ASIC2: variants seen among roughly 807,000 people sequenced by gnomAD.
ASIC2 encodes acid-sensing ion channel 2.
ASIC2 carries 25 observed loss-of-function variants against 57.3 expected under a neutral mutation model. The ratio of observed to expected loss-of-function variants is 0.44; its 90% CI spans 0.32 to 0.61. The LOEUF (loss-of-function observed/expected upper bound fraction) is 0.61. Among genes scored for constraint, ASIC2 ranks in the 20% least tolerant of loss-of-function variants. ASIC2 has a pLI of 0.06. For synonymous variants in ASIC2, 319 were observed against 307.5 expected (o/e 1.04, Z -0.39); for missense variants, 641 against 738.1 (o/e 0.87, Z 1.52).
At chr17:33,763,210 A>T (rs1338818017) in intron 1 of ASIC2, among the ~76,000 whole-genome samples, 1 of 152,162 alleles carries the variant, frequency 6.6e-6, no homozygotes, top group Non-Finnish European at 1.5e-5. Context: ...TGTCTTGTTG[A>T]TTGATCTCTC....
intron 1 of ASIC2, among the ~76,000 whole-genome samples, chr17:33,943,569 G>T (rs943858338): frequency 1.3e-5 from 2 of 151,848 alleles, no homozygotes; most frequent in African/African-American, 4.8e-5. Context: ...TAACAGACTT[G>T]GATTCAAATT....
At chr17:33,516,192 C>T (rs1022703906) in intron 1 of ASIC2, among the ~76,000 whole-genome samples, 3 of 152,162 alleles carry the variant, frequency 2.0e-5, no homozygotes, top group African/African-American at 7.2e-5. Flanking sequence ...GGGTGGAGCC[C>T]AGAACTGCAG....
At chr17:33,364,737 T>C (rs1567836759) in intron 1 of ASIC2, among the ~76,000 whole-genome samples, 1 of 152,182 alleles carries the variant, frequency 6.6e-6, no homozygotes, top group Admixed American at 6.5e-5. Context: ...TCTTTATAAA[T>C]TACCCAGTCT....
chr17:33,603,978 A>G (rs1274265408), intron 1 of ASIC2, among the ~76,000 whole-genome samples: 2 of 152,188 alleles, frequency 1.3e-5, no homozygotes, highest in African/African-American at 4.8e-5. Flanking sequence ...CTGGTCTGAA[A>G]GTGGGCTGCC....
rs186856848 is a variant in ASIC2, at chr17:33,860,846, T to C, written c.555+295132A>G. 9.8e-5 allele frequency among the ~76,000 whole-genome samples: 15 copies of C among 152,288 alleles called. No homozygotes were observed. The South Asian group carries it at 1.7e-3, about 17-fold the overall frequency. ...CCATTCATTCTGTGAGCAGAAATGA[T>C]TGTGTACCAAAGACATCCCACACAC... On this transcript the variant is annotated intron_variant, in intron 1 of 9. Coordinates refer to the ASIC2 transcript ENST00000359872.
At position 33,067,824 on chromosome 17, in the gene ASIC2, C is replaced by T. The variant is rs1170304257; in HGVS notation, c.987+21039G>A. On this transcript the variant is annotated intron_variant, in intron 3 of 9. Transcript: ENST00000225823. ...AGGATGGAGGTGGGCCAGGACGAGG[C>T]GAATTGTTCCTTCAAAGCCACTTTG... Among the ~76,000 whole-genome samples the T allele has an allele frequency of 5.9e-5, 9 of 152,148 alleles. No individual in the cohort carries two copies. The East Asian group carries it at 7.7e-4, about 13-fold the overall frequency.
intron 1 of ASIC2, among the ~76,000 whole-genome samples, chr17:33,520,994 T>C (rs571337322): frequency 6.6e-6 from 1 of 152,258 alleles, no homozygotes; most frequent in East Asian, 1.9e-4. Flanking sequence ...AAGGTACTGA[T>C]GTTGGCATTG....
At chr17:33,570,810 T>C (rs150127556) in intron 1 of ASIC2, among the ~76,000 whole-genome samples, 1 of 152,228 alleles carries the variant, frequency 6.6e-6, no homozygotes, top group African/African-American at 2.4e-5. Context: ...GGCCTCTCTC[T>C]CTCTCCATGT....
At chr17:33,885,871 A>T (rs1330206264) in intron 1 of ASIC2, among the ~76,000 whole-genome samples, 2 of 152,142 alleles carry the variant, frequency 1.3e-5, no homozygotes, top group African/African-American at 4.8e-5. Context: ...GATGAACTGA[A>T]CTCAGTAGTG....
chr17:33,185,281 T>C (rs1450205876), intron 1 of ASIC2, among the ~76,000 whole-genome samples: 1 of 152,194 alleles, frequency 6.6e-6, no homozygotes, highest in Admixed American at 6.5e-5. Flanking sequence ...TATTCAGGGT[T>C]CAGGAGAATG....
chr17:33,017,570 G>T, intron 8 of ASIC2, 35 bp downstream of exon 8: 1 of 1,573,002 alleles, frequency 6.4e-7, no homozygotes, highest in Non-Finnish European at 8.7e-7. Context: ...GCACCAGCAT[G>T]CGGTCATTTC....
Position 33,025,949 on chromosome 17 carries a change from T to C in ASIC2, c.1172A>G (p.Lys391Arg). 6.2e-7 allele frequency: 1 copy of C among 1,613,786 alleles called. No individual in the cohort carries two copies. The change falls in exon 5 of 10, where the codon AAG (lysine) becomes AGG (arginine). Residue 391 changes from lysine to arginine, a missense_variant. This residue lies in a region of ASIC2 where 252 missense variants were observed against 319.8 expected (regional missense o/e 0.79). Coordinates refer to ENST00000225823, the MANE Select transcript of ASIC2 (RefSeq NM_183377.2). Reference protein sequence around the residue: ...DAPFCTPEQHKECAEPALGLL... With the variant: ...DAPFCTPEQHRECAEPALGLL... ...ACCTAGGGCAGGCTCTGCACACTCC[T>C]TGTGCTGCTCAGGGGTACAAAAAGG...
At chr17:33,079,081 T>C (rs2092101511) in intron 3 of ASIC2, among the ~76,000 whole-genome samples, 1 of 152,186 alleles carries the variant, frequency 6.6e-6, no homozygotes, top group African/African-American at 2.4e-5. Flanking sequence ...GGCTGTGACA[T>C]GATAAAGTCC....
At chr17:33,543,175 T>G in intron 1 of ASIC2, among the ~76,000 whole-genome samples, 2 of 148,148 alleles carry the variant, frequency 1.3e-5, no homozygotes, top group African/African-American at 2.5e-5. Context: ...TTGGGAGATA[T>G]ACCTAATGCT....
chr17:33,925,612 C>T (rs1352016507), intron 1 of ASIC2, among the ~76,000 whole-genome samples: 2 of 152,208 alleles, frequency 1.3e-5, no homozygotes, highest in South Asian at 4.1e-4. Context: ...GGTTGAGGAT[C>T]CCCCACTCCA....
At chr17:34,149,943 T>G (rs1904447268) in intron 1 of ASIC2, among the ~76,000 whole-genome samples, 1 of 152,226 alleles carries the variant, frequency 6.6e-6, no homozygotes, top group African/African-American at 2.4e-5. Context: ...CCCTCCCATG[T>G]TTATTGCAGC....
intron 1 of ASIC2, among the ~76,000 whole-genome samples, chr17:33,621,753 A>G (rs1035573364): frequency 1.3e-5 from 2 of 152,184 alleles, no homozygotes; most frequent in African/African-American, 4.8e-5. Context: ...GCTAGGGTTC[A>G]AACGTCTTCT....
At chr17:33,577,143 G>A (rs756069552) in intron 1 of ASIC2, among the ~76,000 whole-genome samples, 9 of 152,136 alleles carry the variant, frequency 5.9e-5, no homozygotes, top group Non-Finnish European at 1.0e-4. Flanking sequence ...GTTGAAGACA[G>A]TTAGCCCTCT....
intron 1 of ASIC2, among the ~76,000 whole-genome samples, chr17:33,463,245 AC>A (rs1360231144): frequency 6.6e-6 from 1 of 152,074 alleles, no homozygotes; most frequent in African/African-American, 2.4e-5. Flanking sequence ...GGTTAGTTTG[AC>A]CCAGTATCTG....
Sources: allele counts gnomAD v4.1 joint callset (sites outside exome capture counted in the v4.1 genomes callset), GRCh38; gene constraint gnomAD v4.1.1; regional missense constraint gnomAD v4.1.1; transcripts MANE v1.5; gene names NCBI Gene and HGNC (gene_info 2026-07-23, HGNC 2026-07-21).